IP6K3: variants seen among roughly 807,000 people sequenced by gnomAD.
IP6K3 encodes the protein inositol hexakisphosphate kinase 3.
Under a neutral mutation model 28.8 loss-of-function variants are expected in IP6K3, and 20 were observed. That is an observed-to-expected ratio of 0.70 (90% CI 0.49 to 1.01). The LOEUF (loss-of-function observed/expected upper bound fraction) is 1.01. Ranked by LOEUF, IP6K3 falls within the 50% of genes least tolerant of loss-of-function variation. The pLI is 0.00. For synonymous variants in IP6K3, 213 were observed against 221.3 expected, an observed-to-expected ratio of 0.96 and a Z score of 0.33; for missense variants, 480 against 537.1, an observed-to-expected ratio of 0.89 and a Z score of 1.05.
chr6:33,723,058 G>T lies in IP6K3; in HGVS notation c.895C>A (p.Leu299Met). Residue 299 changes from leucine (L) to methionine (M), a missense_variant, in exon 6 of 6, where the codon CTG becomes ATG. Physicochemically the swap from Leu to Met is conservative, Grantham distance 15 (BLOSUM62 2). Transcript: ENST00000293756. ...HNGSHLRREL[L>M]EPILHQLRAL... ...CGGAGCTGGTGCAGGATGGGCTCCA[G>T]GAGCTCCCTCCGGAGGTGGCTTCCA... is the stretch of plus-strand genomic sequence containing the variant. 1 of 1,614,184 alleles carries T rather than the reference G, an allele frequency of 6.2e-7. No homozygotes were observed. The highest frequency in any genetic ancestry group is 8.5e-7 in the Non-Finnish European group (1 of 1,180,020).
chr6:33,757,591 C>T, the IP6K3 span, among the ~76,000 whole-genome samples: 2 of 152,090 alleles, frequency 1.3e-5, no homozygotes, highest in Non-Finnish European at 2.9e-5. Flanking sequence ...CCATGCAGCA[C>T]CTGCTAGGTA....
Position 33,746,126 on chromosome 6 carries a change from C to T in IP6K3, c.-180+632G>A, listed in dbSNP as rs1766898922. Reference sequence around the variant, plus strand: ...TCATGGGTGGGGGCCAAGACTCCACCACTGCCCAGGGCATCAGGGACCACC... The same window carrying T: ...TCATGGGTGGGGGCCAAGACTCCACTACTGCCCAGGGCATCAGGGACCACC... On this transcript the variant is annotated intron_variant, in intron 1 of 5. Coordinates refer to ENST00000293756, the MANE Select transcript of IP6K3 (RefSeq NM_054111.5). The surrounding 1 kb of genome is among the most constrained non-coding windows in gnomAD (Gnocchi z 6.5). Among the ~76,000 whole-genome samples, 1 of 152,082 alleles carries T rather than the reference C, an allele frequency of 6.6e-6. No homozygotes were observed. Among genetic ancestry groups the T allele is most frequent in the Non-Finnish European group, 1.5e-5 (1 of 67,994 alleles).
In IP6K3 at chr6:33,728,272, G is replaced by A. The variant is rs1766195959; in HGVS notation, c.228C>T (p.Asp76=). 1 of 1,614,206 alleles carries A rather than the reference G, an allele frequency of 6.2e-7. No individual in the cohort carries two copies. The highest frequency in any genetic ancestry group is 8.5e-7 in the Non-Finnish European group (1 of 1,180,040). The change falls in exon 3 of 6, where the codon GAC becomes GAT. Residue 76 remains aspartate (D), a synonymous_variant. Coordinates refer to ENST00000293756, the MANE Select transcript of IP6K3 (RefSeq NM_054111.5). ...KGTVTVHLWK[D]STGHLSLVAN... ...CAACCAAGCTGAGATGGCCTGTGCT[G>A]TCTTTCCAGAGGTGCACTGTGACGG...
Position 33,722,857 on chromosome 6 carries a change from G to C in IP6K3, c.1096C>G (p.Arg366Gly), listed in dbSNP as rs146926476. The change falls in exon 6 of 6, where the codon CGC becomes GGC. Residue 366 changes from arginine to glycine, a missense_variant. Transcript: ENST00000293756. The part of the protein sequence containing the change: ...SPGGLTKVDI[R>G]MIDFAHTTYK... ...GTGGTATGAGCAAAGTCAATCATGC[G>C]GATGTCAACCTTGGTGAGACCACCG... 6.2e-7 allele frequency: 1 copy of C among 1,613,824 alleles called. No homozygotes were observed. The highest frequency in any genetic ancestry group is 8.5e-7 in the Non-Finnish European group (1 of 1,179,722).
chr6:33,741,182 C>T (rs1391392845), intron 1 of IP6K3, among the ~76,000 whole-genome samples: 1 of 152,136 alleles, frequency 6.6e-6, no homozygotes, highest in Non-Finnish European at 1.5e-5. Context: ...TCAGTAGGGT[C>T]CCTAAGTGAC....
intron 5 of IP6K3, 54 bp downstream of exon 5, chr6:33,725,387 C>A: frequency 6.5e-7 from 1 of 1,529,470 alleles, no homozygotes; most frequent in South Asian, 1.2e-5. Flanking sequence ...TATCCTTGCC[C>A]CACCGTGGAC....
chr6:33,728,570 G>A lies in IP6K3; in HGVS notation c.200-270C>T, dbSNP rs147564241. Among the ~76,000 whole-genome samples, 32 of 152,274 alleles carry A rather than the reference G, an allele frequency of 2.1e-4. 1 individual carries two copies. The highest frequency in any genetic ancestry group is 6.0e-4 in the African/African-American group (25 of 41,546). On this transcript the variant is annotated intron_variant, in intron 2 of 5. Coordinates refer to ENST00000293756, the MANE Select transcript of IP6K3 (RefSeq NM_054111.5). ...TTATCGCACTTCCCTGCCTCTTTGC[G>A]CTTTCAACAAAGTCAACTCCGCACA...
chr6:33,758,054 G>A, the IP6K3 span, among the ~76,000 whole-genome samples: 6 of 152,204 alleles, frequency 3.9e-5, no homozygotes, highest in Admixed American at 6.5e-5. Flanking sequence ...TGGTGGAGGC[G>A]AGTCGCAGGG....
the IP6K3 span, among the ~76,000 whole-genome samples, chr6:33,758,361 C>T: frequency 6.6e-6 from 1 of 151,864 alleles, no homozygotes; most frequent in African/African-American, 2.4e-5. Context: ...AAAAAACAAA[C>T]AAACAAACAA....
intron 2 of IP6K3, among the ~76,000 whole-genome samples, chr6:33,732,613 C>A (rs1766358854): frequency 6.6e-6 from 1 of 152,228 alleles, no homozygotes; most frequent in African/African-American, 2.4e-5. Context: ...GGCTTGGAAT[C>A]CTGGCTCTGC....
the IP6K3 span, among the ~76,000 whole-genome samples, chr6:33,760,897 C>T: frequency 2.4e-3 from 369 of 152,128 alleles, 1 homozygote; most frequent in African/African-American, 6.1e-3. Flanking sequence ...TGGGAGCCCC[C>T]GCCTGCTCTC....
At chr6:33,738,105 C>T (rs1766592227) in intron 1 of IP6K3, among the ~76,000 whole-genome samples, 1 of 152,252 alleles carries the variant, frequency 6.6e-6, no homozygotes, top group South Asian at 2.1e-4. Flanking sequence ...CCTGATGCCT[C>T]CCCTCTCGCT....
At chr6:33,750,531 G>C (rs1388556822), upstream of IP6K3, among the ~76,000 whole-genome samples, 1 of 152,176 alleles carries the variant, frequency 6.6e-6, no homozygotes, top group Non-Finnish European at 1.5e-5. The surrounding 1 kb of genome is among the most constrained non-coding windows in gnomAD (Gnocchi z 4.3). Flanking sequence ...GCTTATGCCA[G>C]CTGTAGTTGC....
chr6:33,744,660 T>TG lies in IP6K3; in HGVS notation c.-180+2097dup, dbSNP rs1188704094. Among the ~76,000 whole-genome samples the TG allele has an allele frequency of 1.3e-5, 2 of 152,208 alleles. No homozygotes were observed. The highest frequency in any genetic ancestry group is 2.9e-5 in the Non-Finnish European group (2 of 68,030). On this transcript the variant is annotated intron_variant, in intron 1 of 5. Coordinates refer to ENST00000293756, the MANE Select transcript of IP6K3 (RefSeq NM_054111.5). This position sits in a 1 kb window ranked among gnomAD's most constrained non-coding sequence, Gnocchi z 4.4. ...AGCACCCACCTCCTCACCCAGCCAC[T>TG]GGGGGACACATTCTTGGAACTGCCC... is the stretch of plus-strand genomic sequence containing the variant.
upstream of IP6K3, among the ~76,000 whole-genome samples, chr6:33,747,546 G>A (rs11755421): frequency 0.17 from 26,390 of 152,042 alleles, 2,606 homozygotes; most frequent in Admixed American, 0.26. This position sits in a 1 kb window ranked among gnomAD's most constrained non-coding sequence, Gnocchi z 5.2. Context: ...CATCCTGGAG[G>A]AGCTGACCGG....
the IP6K3 span, among the ~76,000 whole-genome samples, chr6:33,758,374 C>G: frequency 1.3e-5 from 2 of 152,030 alleles, no homozygotes; most frequent in East Asian, 1.9e-4. Context: ...ACAAACAAAA[C>G]AAAAAAACTG....
chr6:33,726,024 A>G (rs1484238092), intron 4 of IP6K3, among the ~76,000 whole-genome samples: 1 of 152,206 alleles, frequency 6.6e-6, no homozygotes, highest in Admixed American at 6.5e-5. Flanking sequence ...AGCTTTGGAG[A>G]TGAGTTGCAG....
chr6:33,759,724 C>T, the IP6K3 span, among the ~76,000 whole-genome samples: 1 of 151,950 alleles, frequency 6.6e-6, no homozygotes, highest in African/African-American at 2.4e-5. Context: ...CAACAAAAAA[C>T]TAGCTGGGCG....
intron 1 of IP6K3, among the ~76,000 whole-genome samples, chr6:33,736,367 A>C (rs1437724516): frequency 6.6e-6 from 1 of 152,092 alleles, no homozygotes; most frequent in Non-Finnish European, 1.5e-5. Flanking sequence ...ACTGTCCTGC[A>C]GGGGATTATG....
Sources: allele counts gnomAD v4.1 joint callset (sites outside exome capture counted in the v4.1 genomes callset), GRCh38; gene constraint gnomAD v4.1.1; non-coding constraint Gnocchi (gnomAD v3.1); transcripts MANE v1.5; gene names NCBI Gene and HGNC (gene_info 2026-07-23, HGNC 2026-07-21).